Variants in ZSCAN32 observed in about 807,000 individuals in gnomAD.
ZSCAN32 encodes zinc finger and SCAN domain containing 32.
Under a neutral mutation model 47.4 loss-of-function variants are expected in ZSCAN32, and 52 were observed. That is an observed-to-expected ratio of 1.10 (90% CI 0.88 to 1.38). The LOEUF (loss-of-function observed/expected upper bound fraction) is 1.38. Ranked by LOEUF, ZSCAN32 falls within the 40% of genes most tolerant of loss-of-function variation. The pLI is 0.00. For synonymous variants in ZSCAN32, 346 were observed against 305.7 expected, an observed-to-expected ratio of 1.13 and a Z score of -1.38; for missense variants, 959 against 846.0, an observed-to-expected ratio of 1.13 and a Z score of -1.66.
intron 3 of ZSCAN32, among the ~76,000 whole-genome samples, 171 bp downstream of exon 3, chr16:3,393,478 G>A (rs970008836): frequency 6.6e-6 from 1 of 150,684 alleles, no homozygotes; most frequent in African/African-American, 2.4e-5. Flanking sequence ...CGCCTGTCTG[G>A]TCTTCCAAGG....
At chr16:3,383,987 A>G in intron 6 of ZSCAN32, 1 of 467,616 alleles carries the variant, frequency 2.1e-6, no homozygotes, top group Non-Finnish European at 3.8e-6. Flanking sequence ...TAAGCACTAT[A>G]TCATCTGCCA....
chr16:3,387,586 T>C (rs2032166417), intron 5 of ZSCAN32, among the ~76,000 whole-genome samples: 1 of 152,240 alleles, frequency 6.6e-6, no homozygotes, highest in Non-Finnish European at 1.5e-5. Context: ...CATCTGGTCA[T>C]GATGCTCTGA....
chr16:3,399,208 A>G (rs1219643676), intron 1 of ZSCAN32, among the ~76,000 whole-genome samples: 1 of 152,160 alleles, frequency 6.6e-6, no homozygotes, highest in African/African-American at 2.4e-5. Context: ...GGGCAACAAG[A>G]GCGAGACTGT....
intron 3 of ZSCAN32, among the ~76,000 whole-genome samples, chr16:3,391,480 C>A (rs1167674235): frequency 6.6e-6 from 1 of 151,376 alleles, no homozygotes; most frequent in Non-Finnish European, 1.5e-5. Flanking sequence ...GAGTTCGAGA[C>A]CAGCCTGCCC....
chr16:3,383,149 A>G lies in ZSCAN32; in HGVS notation c.1797T>C (p.His599=), dbSNP rs1221996715. Residue 599 remains histidine (H), a synonymous_variant, in exon 7 of 7, where the codon CAT becomes CAC. Coordinates refer to ENST00000396852, the MANE Select transcript of ZSCAN32 (RefSeq NM_001284527.2). ...SSSLIVHQRT[H]TGEKPYQCIV... ...TGCACTGGTAAGGCTTTTCCCCGGT[A>G]TGGGTCCTCTGGTGGACAATGAGGC... The G allele has an allele frequency of 6.2e-7, 1 of 1,614,142 alleles. No homozygotes were observed. The highest frequency in any genetic ancestry group is 8.5e-7 in the Non-Finnish European group (1 of 1,180,020).
Position 3,393,706 on chromosome 16 carries a change from C to G in ZSCAN32, c.475G>C (p.Glu159Gln). 2 of 1,550,318 alleles carry G rather than the reference C, an allele frequency of 1.3e-6. No homozygotes were observed. The highest frequency in any genetic ancestry group is 1.7e-6 in the Non-Finnish European group (2 of 1,146,920). Residue 159 changes from glutamate (E) to glutamine (Q), a missense_variant, in exon 3 of 7, where the codon GAA (glutamate) becomes CAA (glutamine). Transcript: ENST00000396852. ...CTCTGTGATCCCTTAAAAGTCGGTT[C>G]CTCTGGCTGAACCTCCTGTTTCCAT... ...SQWKQEVQPE[E>Q]PTFKGSQSSH...
Position 3,397,440 on chromosome 16 carries a change from A to C in ZSCAN32, c.118T>G (p.Phe40Val). The C allele has an allele frequency of 6.4e-7, 1 of 1,551,288 alleles. No individual in the cohort carries two copies. Among genetic ancestry groups the C allele is most frequent in the African/African-American group, 1.4e-5 (1 of 73,170 alleles). Residue 40 changes from phenylalanine (F) to valine (V), a missense_variant, in exon 2 of 7, where the codon TTC becomes GTC. By Grantham distance (50) the Phe-to-Val change is conservative (BLOSUM62 -1). Coordinates refer to ENST00000396852, the MANE Select transcript of ZSCAN32 (RefSeq NM_001284527.2). ...ACCTCCTGGTAGCAAAACTGCCTGAAGCGCTGACGGGAGGCCTCGGAGTCA... is the reference window on the plus strand; with the variant it reads ...ACCTCCTGGTAGCAAAACTGCCTGACGCGCTGACGGGAGGCCTCGGAGTCA... ...SPDSEASRQR[F>V]RQFCYQEVTG... is the part of the protein sequence containing the mutation.
In ZSCAN32 at chr16:3,382,147, AGTTT is replaced by A. The variant is rs1196366310; in HGVS notation, c.*701_*704del. The A allele has an allele frequency of 6.6e-6, 1 of 152,246 alleles. No homozygotes were observed. Among genetic ancestry groups the A allele is most frequent in the African/African-American group, 2.4e-5 (1 of 41,460 alleles). The allele number at this position is 152,246 out of a possible 1,614,324, so 9.4% of individuals were successfully genotyped here. ...TAATGTTTATAAATTTGTTTATAGT[AGTTT>A]GTAAATTATTATCAGAAATAGTAAT... On this transcript the variant is annotated 3_prime_UTR_variant, in exon 7 of 7. Transcript: ENST00000396852.
At chr16:3,388,266 G>GCC (rs2032246217) in intron 5 of ZSCAN32, among the ~76,000 whole-genome samples, 1 of 152,172 alleles carries the variant, frequency 6.6e-6, no homozygotes, top group South Asian at 2.1e-4. Context: ...CCTCGCTCCA[G>GCC]CCCAAGTCAT....
In ZSCAN32 at chr16:3,397,754, A is replaced by C. The variant is rs532678220; in HGVS notation, c.-187-10T>G. 1 of 612,174 alleles carries C rather than the reference A, an allele frequency of 1.6e-6. No individual in the cohort carries two copies. The highest frequency in any genetic ancestry group is 2.4e-5 in the South Asian group (1 of 42,380). The allele number at this position is 612,174 out of a possible 1,614,324, so 37.9% of individuals were successfully genotyped here. A position where few individuals can be genotyped will look rare whatever the true frequency, so the allele number is the denominator to read the frequency against. The stretch of plus-strand genomic sequence containing the variant: ...CAACTTTGAAGGATGTCTGAAGAGG[A>C]TGGAAAAAGACAATATAAACCTATC... On this transcript the variant is annotated splice_polypyrimidine_tract_variant and intron_variant, in intron 1 of 6. Coordinates refer to ENST00000396852, the MANE Select transcript of ZSCAN32 (RefSeq NM_001284527.2).
chr16:3,393,533 G>A (rs771461157), intron 3 of ZSCAN32, 116 bp downstream of exon 3: 1 of 1,055,870 alleles, frequency 9.5e-7, no homozygotes, highest in Non-Finnish European at 1.3e-6. Flanking sequence ...CCGGTTTTTG[G>A]ATGTATTTCA....
chr16:3,390,064 G>A lies in ZSCAN32; in HGVS notation c.697C>T (p.Gln233Ter). 6.2e-7 allele frequency: 1 copy of A among 1,613,988 alleles called. No homozygotes were observed. Among genetic ancestry groups the A allele is most frequent in the Non-Finnish European group, 8.5e-7 (1 of 1,179,972 alleles). ...GTGGCACCCCTGTAGAGGGCCCTTT[G>A]TGCAGGGCCTGGGCACATCCATTCT... is the stretch of plus-strand genomic sequence containing the variant. ...QQEWMCPGPA[Q>*]RALYRGATQR... The change falls in exon 5 of 7, where the codon CAA becomes TAA. Residue 233 changes from glutamine (Q) to a stop codon, truncating the protein, a stop_gained. Coordinates refer to ENST00000396852, the MANE Select transcript of ZSCAN32 (RefSeq NM_001284527.2). LOFTEE classifies it high-confidence loss of function.
At chr16:3,383,834 TC>T (rs1231460714) in intron 6 of ZSCAN32, 123 bp from the exon 7 acceptor site, 2 of 1,026,636 alleles carry the variant, frequency 1.9e-6, no homozygotes, top group Non-Finnish European at 2.6e-6. Context: ...TGATTAAGTC[TC>T]CTGCTAATTA....
intron 1 of ZSCAN32, among the ~76,000 whole-genome samples, 157 bp downstream of exon 1, chr16:3,400,788 G>A (rs1567334979): frequency 6.6e-6 from 1 of 152,144 alleles, no homozygotes; most frequent in Admixed American, 6.5e-5. Flanking sequence ...GGCGCGTCTG[G>A]GGACGCCCGG....
In ZSCAN32 at chr16:3,383,005, G is replaced by A; in HGVS notation, c.1941C>T (p.His647=). ...VCGKIFNNSS[H]FSAHRKTHTG... ...TGTGGGTTTTTCGGTGGGCACTGAA[G>A]TGGGAGCTATTGTTGAAGATTTTCC... is the stretch of plus-strand genomic sequence containing the variant. Residue 647 remains histidine (H), a synonymous_variant, in exon 7 of 7, where the codon CAC becomes CAT. Transcript: ENST00000396852. 1.2e-6 allele frequency: 2 copies of A among 1,614,138 alleles called. No individual in the cohort carries two copies. Among genetic ancestry groups the A allele is most frequent in the Non-Finnish European group, 1.7e-6 (2 of 1,179,990 alleles).
chr16:3,394,802 G>A (rs2033210745), intron 2 of ZSCAN32, among the ~76,000 whole-genome samples: 1 of 151,726 alleles, frequency 6.6e-6, no homozygotes, highest in African/African-American at 2.4e-5. Context: ...TCTCAAACCC[G>A]CCCAGTCTTT....
chr16:3,384,005 T>G, intron 6 of ZSCAN32: 1 of 455,844 alleles, frequency 2.2e-6, no homozygotes, highest in East Asian at 4.0e-5. Context: ...CCAGTCTGTT[T>G]ATAGGTGTAC....
intron 4 of ZSCAN32, 116 bp from the exon 5 acceptor site, chr16:3,390,249 C>G (rs2032519921): frequency 6.9e-7 from 1 of 1,448,112 alleles, no homozygotes; most frequent in Non-Finnish European, 9.2e-7. Context: ...CAGGGGAGGT[C>G]AGCTCCCAGT....
In ZSCAN32 at chr16:3,383,421, A is replaced by G. The variant is rs757139441; in HGVS notation, c.1525T>C (p.Ser509Pro). The G allele has an allele frequency of 1.9e-5, 30 of 1,614,040 alleles. No individual in the cohort carries two copies. The highest frequency in any genetic ancestry group is 8.5e-7 in the Non-Finnish European group (1 of 1,180,038). Reference protein sequence around the residue: ...CGKNCSQSVHSPHKPALKLEK... With the variant: ...CGKNCSQSVHPPHKPALKLEK... ...AGTTTGAGCGCTGGCTTGTGGGGAG[A>G]GTGCACACTCTGAGAGCAGTTTTTC... The change falls in exon 7 of 7, where the codon TCT becomes CCT. Residue 509 changes from serine to proline, a missense_variant. Transcript: ENST00000396852.
Sources: allele counts gnomAD v4.1 joint callset (sites outside exome capture counted in the v4.1 genomes callset), GRCh38; gene constraint gnomAD v4.1.1; transcripts MANE v1.5; gene names NCBI Gene and HGNC (gene_info 2026-07-23, HGNC 2026-07-21).